Variants in SEMA6D observed in about 807,000 individuals in gnomAD.
SEMA6D encodes semaphorin 6D, also known as semaphorin-6D.
SEMA6D carries 35 observed loss-of-function variants against 106.6 expected under a neutral mutation model. The observed-to-expected ratio is 0.33, with a 90% CI of 0.25 to 0.44. SEMA6D has a LOEUF of 0.44. SEMA6D is among the 20% of genes least tolerant of loss of function. The pLI is 1.00. For missense variants in SEMA6D, 1,185 were observed against 1,345.9 expected, an observed-to-expected ratio of 0.88 and a Z score of 1.87; for synonymous variants, 499 against 487.7, an observed-to-expected ratio of 1.02 and a Z score of -0.31.
chr15:47,755,160 C>A (rs1230377867), intron 1 of SEMA6D, among the ~76,000 whole-genome samples: 1 of 152,060 alleles, frequency 6.6e-6, no homozygotes, highest in African/African-American at 2.4e-5. Flanking sequence ...CCATGTTGGT[C>A]AGGCTGGTCT....
At chr15:47,531,539 A>AT (rs2044966465) in intron 3 of SEMA6D, among the ~76,000 whole-genome samples, 1 of 152,258 alleles carries the variant, frequency 6.6e-6, no homozygotes, top group African/African-American at 2.4e-5. Flanking sequence ...AAGGCACTGT[A>AT]TATATGTGGA....
intron 3 of SEMA6D, among the ~76,000 whole-genome samples, chr15:47,554,133 A>G (rs1243262919): frequency 6.6e-6 from 1 of 152,232 alleles, no homozygotes; most frequent in Non-Finnish European, 1.5e-5. Context: ...CTGATAAGAA[A>G]GTTGAGCAAC....
chr15:47,470,182 T>A (rs931164553), intron 2 of SEMA6D, among the ~76,000 whole-genome samples: 4 of 152,330 alleles, frequency 2.6e-5, no homozygotes, highest in Admixed American at 2.0e-4. Flanking sequence ...TGCTACGGTG[T>A]GCCTTGGTGT....
At chr15:47,346,771 C>G (rs1367028851) in intron 1 of SEMA6D, among the ~76,000 whole-genome samples, 1 of 151,810 alleles carries the variant, frequency 6.6e-6, no homozygotes, top group Non-Finnish European at 1.5e-5. Context: ...TTTTTTCTTA[C>G]AGCATTAAAA....
At chr15:47,680,956 A>G (rs2078340097) in intron 4 of SEMA6D, among the ~76,000 whole-genome samples, 2 of 152,206 alleles carry the variant, frequency 1.3e-5, no homozygotes, top group South Asian at 4.1e-4. Flanking sequence ...TAGAGGATTT[A>G]GGGAAATTGA....
rs148545852 is a variant in SEMA6D, at chr15:47,690,922, C to T, written c.-54-68823C>T. ...ATATAACCATAGGATAATTTAGTTTCATGTCGCCTTAGTCTCCTCTCATCT... is the reference window on the plus strand; with the variant it reads ...ATATAACCATAGGATAATTTAGTTTTATGTCGCCTTAGTCTCCTCTCATCT... On this transcript the variant is annotated intron_variant, in intron 4 of 19. Transcript: ENST00000558014. Among the ~76,000 whole-genome samples, 252 of 152,268 alleles carry T rather than the reference C, an allele frequency of 1.7e-3. 1 individual carries two copies. The highest frequency in any genetic ancestry group is 5.8e-3 in the African/African-American group (242 of 41,564).
intron 3 of SEMA6D, among the ~76,000 whole-genome samples, chr15:47,558,335 G>C (rs2045974318): frequency 6.6e-6 from 1 of 151,920 alleles, no homozygotes; most frequent in South Asian, 2.1e-4. Flanking sequence ...ATAAATTACA[G>C]AGATAAATCC....
intron 4 of SEMA6D, among the ~76,000 whole-genome samples, chr15:47,711,394 G>GA (rs2079021353): frequency 6.6e-6 from 1 of 151,966 alleles, no homozygotes; most frequent in African/African-American, 2.4e-5. Context: ...AGGCCAGAGG[G>GA]GTTTGGGAAC....
At chr15:47,660,564 G>GTT (rs2077898873) in intron 4 of SEMA6D, among the ~76,000 whole-genome samples, 1 of 152,130 alleles carries the variant, frequency 6.6e-6, no homozygotes, top group Admixed American at 6.6e-5. Flanking sequence ...AGATAAACAA[G>GTT]TAACTATTAA....
chr15:47,246,004 C>G (rs773826984), intron 1 of SEMA6D, among the ~76,000 whole-genome samples: 1 of 152,096 alleles, frequency 6.6e-6, no homozygotes, highest in African/African-American at 2.4e-5. Flanking sequence ...CAGATGGTTT[C>G]TCACGACCTT....
At chr15:47,615,430 T>C (rs776826606) in intron 4 of SEMA6D, among the ~76,000 whole-genome samples, 2 of 152,212 alleles carry the variant, frequency 1.3e-5, no homozygotes, top group Non-Finnish European at 2.9e-5. Flanking sequence ...ACAACTTCCA[T>C]GACTCTAGTT....
rs1490988074 is a variant in SEMA6D at position 47,762,250 on chromosome 15, G to A, written c.589G>A (p.Val197Ile). ...TVADFLASDA[V>I]IYRSMGDGSA... is the part of the protein sequence containing the mutation. The stretch of plus-strand genomic sequence containing the variant: ...GGCTGACTTCTTGGCCAGCGATGCC[G>A]TTATTTATCGAAGCATGGGTGATGG... Residue 197 changes from valine (V) to isoleucine (I), a missense_variant, in exon 8 of 19, where the codon GTT (valine) becomes ATT (isoleucine). By Grantham distance (29) the Val-to-Ile change is conservative (BLOSUM62 3). Coordinates refer to ENST00000536845, the MANE Select transcript of SEMA6D (RefSeq NM_001358351.3). 17 of 1,613,600 alleles carry A rather than the reference G, an allele frequency of 1.1e-5. No individual in the cohort carries two copies. The highest frequency in any genetic ancestry group is 1.4e-5 in the Non-Finnish European group (16 of 1,179,632).
chr15:47,201,629 C>T (rs1166542908), intron 1 of SEMA6D, among the ~76,000 whole-genome samples: 1 of 152,016 alleles, frequency 6.6e-6, no homozygotes, highest in East Asian at 1.9e-4. Context: ...TTTATGCAGT[C>T]CCACAGATCA....
intron 1 of SEMA6D, chr15:47,718,605 C>A (rs2079230221): frequency 6.6e-6 from 1 of 152,428 alleles, no homozygotes; most frequent in Admixed American, 6.5e-5. Flanking sequence ...GGTGTCTCCT[C>A]CCGGCCGCTC....
chr15:47,450,309 A>G (rs750351987), intron 2 of SEMA6D, among the ~76,000 whole-genome samples: 3 of 151,968 alleles, frequency 2.0e-5, no homozygotes, highest in Admixed American at 6.6e-5. Context: ...TTCATTGCCT[A>G]TGATGTGCTA....
At chr15:47,474,929 G>A (rs546545625) in intron 3 of SEMA6D, among the ~76,000 whole-genome samples, 10 of 152,234 alleles carry the variant, frequency 6.6e-5, no homozygotes, top group Admixed American at 6.5e-4. Context: ...CCATCTAGCA[G>A]GCATATATTC....
intron 3 of SEMA6D, chr15:47,581,224 C>T (rs1433590183): frequency 2.5e-6 from 1 of 392,254 alleles, no homozygotes; most frequent in East Asian, 8.0e-5. Context: ...CGTAACGTGT[C>T]CCTGATGAAG....
In SEMA6D at chr15:47,460,985, A is replaced by G. The variant is rs1431071451; in HGVS notation, c.-158-9489A>G. On this transcript the variant is annotated intron_variant, in intron 2 of 19. Coordinates refer to the SEMA6D transcript ENST00000558014. ...TCCCCAGATGGTGTGACTCCTGCCT[A>G]CTTCCTCTTCCTGCTTCCTCCAGCC... Among the ~76,000 whole-genome samples, 3 of 152,054 alleles carry G rather than the reference A, an allele frequency of 2.0e-5. No homozygotes were observed. In the East Asian group the frequency reaches 5.8e-4, roughly 30 times the overall value.
chr15:47,281,604 A>T (rs962091789), intron 1 of SEMA6D, among the ~76,000 whole-genome samples: 26 of 151,986 alleles, frequency 1.7e-4, no homozygotes, highest in Non-Finnish European at 2.6e-4. Flanking sequence ...TCGTTAGTTG[A>T]TGCAGTTTCT....
Sources: gnomAD v4.1 joint callset for allele counts (sites outside exome capture counted in the v4.1 genomes callset) on GRCh38, gnomAD v4.1.1 for gene constraint, MANE v1.5 for transcripts, NCBI Gene and HGNC (gene_info 2026-07-23, HGNC 2026-07-21) for gene names.